KIAA0232: variants seen among roughly 807,000 people sequenced by gnomAD.
The protein encoded by KIAA0232 is uncharacterized protein KIAA0232.
Under a neutral mutation model 122.0 loss-of-function variants are expected in KIAA0232, and 27 were observed. That is an observed-to-expected ratio of 0.22 (90% CI 0.16 to 0.31). The LOEUF (loss-of-function observed/expected upper bound fraction) is 0.31, where lower values mean the gene tolerates loss of function less well. Among genes scored for constraint, KIAA0232 ranks in the 10% least tolerant of loss-of-function variants. KIAA0232 has a pLI of 1.00. For missense variants in KIAA0232, 1,551 were observed against 1,634.2 expected (o/e 0.95, Z 0.88); for synonymous variants, 613 against 587.6 (o/e 1.04, Z -0.63).
chr4:6,860,866 T>C, intron 6 of KIAA0232, 35 bp from the exon 7 acceptor site: 1 of 1,570,834 alleles, frequency 6.4e-7, no homozygotes, highest in Non-Finnish European at 8.6e-7. Context: ...AAAATCTGCA[T>C]ACTCGTGTTT....
Position 6,864,164 on chromosome 4 carries a change from C to A in KIAA0232, c.3782C>A (p.Ser1261Tyr). The change falls in exon 7 of 10, where the codon TCT becomes TAT. Residue 1261 changes from serine (S) to tyrosine (Y), a missense_variant. Coordinates refer to ENST00000307659, the MANE Select transcript of KIAA0232 (RefSeq NM_014743.3). Reference protein sequence around the residue: ...QFPAYEDNPVSSGQLEEFPVL... With the variant: ...QFPAYEDNPVYSGQLEEFPVL... ...CCTGCTTATGAAGATAATCCAGTTT[C>A]TTCGGGACAGCTGGAAGAGGTATGT... The A allele has an allele frequency of 1.2e-6, 2 of 1,612,190 alleles. No individual in the cohort carries two copies. Among genetic ancestry groups the A allele is most frequent in the Non-Finnish European group, 1.7e-6 (2 of 1,178,848 alleles).
Position 6,800,494 on chromosome 4 carries a change from C to A in KIAA0232, c.-353-4029C>A, listed in dbSNP as rs368949000. On this transcript the variant is annotated intron_variant, in intron 1 of 9. Coordinates refer to ENST00000307659, the MANE Select transcript of KIAA0232 (RefSeq NM_014743.3). ...GTCAGGAGTTCGAGACCAGCCTGAC[C>A]AACATGGAGAAACCCCATCTCTACT... Among the ~76,000 whole-genome samples the A allele has an allele frequency of 2.6e-5, 4 of 151,440 alleles. No homozygotes were observed. The South Asian group carries it at 8.4e-4, about 32-fold the overall frequency.
At chr4:6,867,370 A>G (rs370656118) in intron 7 of KIAA0232, among the ~76,000 whole-genome samples, 1 of 152,338 alleles carries the variant, frequency 6.6e-6, no homozygotes, top group South Asian at 2.1e-4. Context: ...AAGCAAGGGT[A>G]AAGAGATTTG....
chr4:6,876,242 T>C (rs1721748364), intron 8 of KIAA0232, among the ~76,000 whole-genome samples: 1 of 152,228 alleles, frequency 6.6e-6, no homozygotes, highest in Non-Finnish European at 1.5e-5. Flanking sequence ...CCTTTGTTCC[T>C]CTGTCCTATG....
chr4:6,856,920 A>C (rs1577402825), intron 4 of KIAA0232, among the ~76,000 whole-genome samples: 2 of 152,350 alleles, frequency 1.3e-5, no homozygotes, highest in South Asian at 4.1e-4. Flanking sequence ...TGGGAGGTAC[A>C]TGAATATGTT....
intron 2 of KIAA0232, among the ~76,000 whole-genome samples, chr4:6,807,579 G>A (rs531956397): frequency 1.4e-3 from 214 of 152,260 alleles, no homozygotes; most frequent in Non-Finnish European, 2.3e-3. Context: ...CCATTTCTAC[G>A]TAGCTTTTCA....
intron 1 of KIAA0232, among the ~76,000 whole-genome samples, chr4:6,802,671 C>G (rs972338901): frequency 3.3e-5 from 5 of 151,818 alleles, no homozygotes; most frequent in Non-Finnish European, 7.4e-5. Context: ...TTCATCTTCA[C>G]GTCTTCCCCA....
chr4:6,877,230 A>T (rs1358869369), intron 9 of KIAA0232, among the ~76,000 whole-genome samples: 1 of 151,424 alleles, frequency 6.6e-6, no homozygotes, highest in African/African-American at 2.4e-5. Flanking sequence ...GTCCTCCTGC[A>T]CTCTGTGCAC....
chr4:6,859,982 C>T (rs1247376962), intron 6 of KIAA0232, among the ~76,000 whole-genome samples: 1 of 152,186 alleles, frequency 6.6e-6, no homozygotes, highest in Non-Finnish European at 1.5e-5. Context: ...ACATGTGTGT[C>T]TTGGTGTCCT....
At chr4:6,848,738 A>G (rs187329104) in intron 4 of KIAA0232, among the ~76,000 whole-genome samples, 6 of 152,364 alleles carry the variant, frequency 3.9e-5, no homozygotes, top group Admixed American at 3.9e-4. Context: ...AAGAGCATCA[A>G]TACAATGATA....
rs1021628684 is a variant in KIAA0232, at chr4:6,789,323, G to T, written c.-354+6482G>T. Among the ~76,000 whole-genome samples, 9 of 149,154 alleles carry T rather than the reference G, an allele frequency of 6.0e-5. No individual in the cohort carries two copies. The Admixed American group carries it at 6.1e-4, about 10-fold the overall frequency. On this transcript the variant is annotated intron_variant, in intron 1 of 9. Transcript: ENST00000307659. Reference sequence around the variant, plus strand: ...GAGTTTTACTCTGTCACCCAGGTTGGAGTATAGTGGCGTGATCTTGGCTTA... The same window carrying T: ...GAGTTTTACTCTGTCACCCAGGTTGTAGTATAGTGGCGTGATCTTGGCTTA...
chr4:6,803,167 A>G (rs1156417830), intron 1 of KIAA0232, among the ~76,000 whole-genome samples: 1 of 150,816 alleles, frequency 6.6e-6, no homozygotes, highest in Non-Finnish European at 1.5e-5. Context: ...GGATGACAGA[A>G]GAATACTTTA....
rs532283150 is a variant in KIAA0232 at position 6,816,730 on chromosome 4, C to T, written c.-269-7455C>T. 4.6e-5 allele frequency among the ~76,000 whole-genome samples: 7 copies of T among 152,280 alleles called. 1 individual carries two copies. In the South Asian group the frequency reaches 1.3e-3, roughly 27 times the overall value. ...GAATTCACCTTTGAAACTATATGGG[C>T]CTAGCAATTTCTTTGTGAATTTTAA... On this transcript the variant is annotated intron_variant, in intron 2 of 9. Transcript: ENST00000307659.
At chr4:6,865,207 C>CA (rs1721106129) in intron 7 of KIAA0232, among the ~76,000 whole-genome samples, 1 of 152,148 alleles carries the variant, frequency 6.6e-6, no homozygotes, top group South Asian at 2.1e-4. Flanking sequence ...AACTGTTTCA[C>CA]AAAAAAAGCA....
In KIAA0232 at chr4:6,862,504, A is replaced by C. The variant is rs1253667925; in HGVS notation, c.2122A>C (p.Thr708Pro). Residue 708 changes from threonine (T) to proline (P), a missense_variant, in exon 7 of 10, where the codon ACA (threonine) becomes CCA (proline). Around this residue, in one of 5 missense-constraint regions of KIAA0232, gnomAD observed 1,108 missense variants for 1,154.8 expected, o/e 0.96. Coordinates refer to ENST00000307659, the MANE Select transcript of KIAA0232 (RefSeq NM_014743.3). ...AAATGAACACTGTTCTAATCTTTCAACAAGAACTTGTAGTCCATGGTCCCA... is the reference window on the plus strand; with the variant it reads ...AAATGAACACTGTTCTAATCTTTCACCAAGAACTTGTAGTCCATGGTCCCA... ...EENEHCSNLS[T>P]RTCSPWSHSE... is the part of the protein sequence containing the mutation. 7.4e-6 allele frequency: 12 copies of C among 1,613,840 alleles called. No homozygotes were observed. The highest frequency in any genetic ancestry group is 1.3e-5 in the African/African-American group (1 of 74,936).
intron 2 of KIAA0232, among the ~76,000 whole-genome samples, chr4:6,805,342 C>G (rs1333945469): frequency 6.6e-6 from 1 of 152,124 alleles, no homozygotes; most frequent in African/African-American, 2.4e-5. Context: ...TTTATTTGGA[C>G]TCTTTAAAAT....
At chr4:6,784,460 A>G (rs954866461) in intron 1 of KIAA0232, among the ~76,000 whole-genome samples, 3 of 152,126 alleles carry the variant, frequency 2.0e-5, no homozygotes, top group Admixed American at 6.5e-5. Flanking sequence ...AGCGGATTCT[A>G]TCACTCTGCA....
chr4:6,817,003 A>T (rs367930177), intron 2 of KIAA0232, among the ~76,000 whole-genome samples: 1 of 152,048 alleles, frequency 6.6e-6, no homozygotes, highest in Non-Finnish European at 1.5e-5. Context: ...GTCTGGCTAG[A>T]GGTTAAAGAA....
Position 6,862,322 on chromosome 4 carries a change from G to A in KIAA0232, c.1940G>A (p.Cys647Tyr). The part of the protein sequence containing the change: ...DINEGSGINS[C>Y]FSVFEVQCSN... The stretch of plus-strand genomic sequence containing the variant: ...AATGAAGGATCTGGTATAAACTCTT[G>A]TTTTTCAGTGTTTGAAGTGCAATGC... Residue 647 changes from cysteine to tyrosine, a missense_variant, in exon 7 of 10, where the codon TGT (cysteine) becomes TAT (tyrosine). Cys to Tyr is a radical substitution (Grantham distance 194). Transcript: ENST00000307659. The A allele has an allele frequency of 1.2e-6, 2 of 1,614,102 alleles. No individual in the cohort carries two copies. The highest frequency in any genetic ancestry group is 1.7e-6 in the Non-Finnish European group (2 of 1,180,014).
Sources: allele counts gnomAD v4.1 joint callset (sites outside exome capture counted in the v4.1 genomes callset), GRCh38; gene constraint gnomAD v4.1.1; regional missense constraint gnomAD v4.1.1; transcripts MANE v1.5; gene names NCBI Gene and HGNC (gene_info 2026-07-23, HGNC 2026-07-21).